The following GALNT9 variants were observed in gnomAD, a reference collection of about 807,000 sequenced individuals.
The protein encoded by GALNT9 is polypeptide N-acetylgalactosaminyltransferase 9.
GALNT9 carries 47 observed loss-of-function variants against 63.1 expected under a neutral mutation model. That is an observed-to-expected ratio of 0.75 (90% CI 0.59 to 0.95). The LOEUF (loss-of-function observed/expected upper bound fraction) is 0.95, where lower values mean the gene tolerates loss of function less well. Ranked by LOEUF, GALNT9 falls within the 40% of genes least tolerant of loss-of-function variation. GALNT9 has a pLI of 0.00. For synonymous variants in GALNT9, 396 were observed against 365.7 expected, an observed-to-expected ratio of 1.08 and a Z score of -0.94; for missense variants, 829 against 874.8, an observed-to-expected ratio of 0.95 and a Z score of 0.66.
At chr12:132,239,200 A>AG (rs1491330990) in intron 6 of GALNT9, among the ~76,000 whole-genome samples, 1 of 77,998 alleles carries the variant, frequency 1.3e-5, no homozygotes, top group African/African-American at 9.0e-5. Context: ...GGGGACAGGC[A>AG]GAGAGAGAGA....
intron 2 of GALNT9, among the ~76,000 whole-genome samples, chr12:132,269,177 C>T (rs115604304): frequency 0.014 from 2,143 of 151,122 alleles, 52 homozygotes; most frequent in African/African-American, 0.048. Context: ...CCAGGGCGGC[C>T]TCAGCGCTGA....
Position 132,328,984 on chromosome 12 carries a change from C to T in GALNT9, c.220G>A (p.Val74Ile), listed in dbSNP as rs1869167434. 1.3e-6 allele frequency: 2 copies of T among 1,538,120 alleles called. No homozygotes were observed. The highest frequency in any genetic ancestry group is 1.2e-5 in the South Asian group (1 of 83,442). The change falls in exon 1 of 11, where the codon GTC becomes ATC. Residue 74 changes from valine (V) to isoleucine (I), a missense_variant. By Grantham distance (29) the Val-to-Ile change is conservative. Coordinates refer to ENST00000328957, the MANE Select transcript of GALNT9 (RefSeq NM_001122636.2). The part of the protein sequence containing the change: ...LQRLDHLEEV[V>I]YNQLNGLAKP... ...CGCTCACCGTTGAGCTGGTTGTAGA[C>T]CACCTCCTCCAGGTGGTCCAGGCGC...
intron 6 of GALNT9, among the ~76,000 whole-genome samples, chr12:132,210,582 G>A (rs948160069): frequency 5.3e-5 from 8 of 152,206 alleles, no homozygotes; most frequent in Admixed American, 5.2e-4. Flanking sequence ...GGAGATGGGT[G>A]GCGAGTGGGG....
chr12:132,311,026 A>C (rs879966329), intron 1 of GALNT9, among the ~76,000 whole-genome samples: 3 of 152,206 alleles, frequency 2.0e-5, no homozygotes, highest in Non-Finnish European at 4.4e-5. Context: ...GGCCTCTGTG[A>C]GCCAGACCAA....
chr12:132,206,511 G>T (rs958504429), intron 6 of GALNT9, among the ~76,000 whole-genome samples: 3 of 152,214 alleles, frequency 2.0e-5, no homozygotes, highest in African/African-American at 7.2e-5. Context: ...GCTGGGCATG[G>T]TGGCAGATGC....
chr12:132,253,569 A>C (rs1243785685), intron 5 of GALNT9, among the ~76,000 whole-genome samples: 1 of 152,156 alleles, frequency 6.6e-6, no homozygotes, highest in Non-Finnish European at 1.5e-5. Flanking sequence ...GCTAATGATT[A>C]ATAATGTTTA....
chr12:132,249,936 G>A (rs781800681), intron 5 of GALNT9, among the ~76,000 whole-genome samples: 4 of 152,222 alleles, frequency 2.6e-5, no homozygotes, highest in Non-Finnish European at 4.4e-5. Context: ...GGTCCTGCCT[G>A]CTGGAGCTGC....
chr12:132,304,982 C>T (rs1156260607), intron 1 of GALNT9, among the ~76,000 whole-genome samples: 4 of 31,302 alleles, frequency 1.3e-4, no homozygotes, highest in Non-Finnish European at 2.2e-4. Flanking sequence ...CACCCTCACC[C>T]GGGCACACCC....
intron 1 of GALNT9, among the ~76,000 whole-genome samples, chr12:132,298,018 A>T (rs1224555790): frequency 6.6e-6 from 1 of 152,024 alleles, no homozygotes; most frequent in African/African-American, 2.4e-5. Flanking sequence ...AACTCCCAAA[A>T]TTACCAACTC....
intron 1 of GALNT9, among the ~76,000 whole-genome samples, chr12:132,317,323 C>T (rs1240807852): frequency 7.2e-5 from 11 of 152,178 alleles, no homozygotes; most frequent in African/African-American, 4.8e-5. Context: ...TGCCCAGCTT[C>T]GGGGACAGGA....
At chr12:132,278,860 A>G (rs1555241458) in intron 2 of GALNT9, 1 of 152,230 alleles carries the variant, frequency 6.6e-6, no homozygotes, top group African/African-American at 2.4e-5. Context: ...AGTCACTTCT[A>G]GAGTGCGATT....
intron 2 of GALNT9, among the ~76,000 whole-genome samples, chr12:132,266,406 C>T (rs1879599272): frequency 6.6e-6 from 1 of 152,268 alleles, no homozygotes; most frequent in Non-Finnish European, 1.5e-5. Flanking sequence ...CCCAGCCACC[C>T]ACTGATAAAG....
chr12:132,296,066 G>GCTCCGGAACAGGGAGAGC lies in GALNT9; in HGVS notation c.239-9654_239-9637dup. ...AGGGAGAGCCTCTGAACAGGGAGAG[G>GCTCCGGAACAGGGAGAGC]CTCCGGAACAGGGAGAGCCTCCGAA... On this transcript the variant is annotated intron_variant, in intron 1 of 10. Transcript: ENST00000328957. This position sits in a 1 kb window ranked among gnomAD's most constrained non-coding sequence, Gnocchi z 4.2. Among the ~76,000 whole-genome samples, 1 of 133,192 alleles carries GCTCCGGAACAGGGAGAGC rather than the reference G, an allele frequency of 7.5e-6. No individual in the cohort carries two copies. Among genetic ancestry groups the GCTCCGGAACAGGGAGAGC allele is most frequent in the Non-Finnish European group, 1.6e-5 (1 of 64,318 alleles). 87.4% of individuals were successfully genotyped at this position (133,192 alleles called of 152,430 possible).
chr12:132,293,020 T>A (rs1381606028), intron 1 of GALNT9, among the ~76,000 whole-genome samples: 1 of 152,086 alleles, frequency 6.6e-6, no homozygotes, highest in Non-Finnish European at 1.5e-5. Context: ...GTATTTGGGG[T>A]TTCAGCTCTG....
intron 6 of GALNT9, among the ~76,000 whole-genome samples, chr12:132,204,731 TCCTATCCTAC>T (rs1876533422): frequency 6.6e-6 from 1 of 151,822 alleles, no homozygotes; most frequent in African/African-American, 2.4e-5. Flanking sequence ...CCCCGTCCCA[TCCTATCCTAC>T]CCTATCCTGT....
At chr12:132,306,017 A>ACGGCGGGGCCCACCC (rs1881598066) in intron 1 of GALNT9, among the ~76,000 whole-genome samples, 1 of 152,078 alleles carries the variant, frequency 6.6e-6, no homozygotes, top group Non-Finnish European at 1.5e-5. Context: ...AGGGGGGCTC[A>ACGGCGGGGCCCACCC]TGGCGGGGCC....
At chr12:132,272,077 G>A (rs1322636256) in intron 2 of GALNT9, among the ~76,000 whole-genome samples, 1 of 152,208 alleles carries the variant, frequency 6.6e-6, no homozygotes, top group Non-Finnish European at 1.5e-5. Context: ...GTCACGCCCC[G>A]CCCGGCTCCC....
At chr12:132,222,733 G>A (rs1166242887) in intron 6 of GALNT9, among the ~76,000 whole-genome samples, 1 of 151,816 alleles carries the variant, frequency 6.6e-6, no homozygotes, top group Non-Finnish European at 1.5e-5. Flanking sequence ...CGGCTCCTGA[G>A]TGCTGCAAGA....
rs374641782 is a variant in GALNT9 at position 132,286,371 on chromosome 12, C to T, written c.298G>A (p.Ala100Thr). ...TGGCCGTCATCACGCAGGGTGGCCG[C>T]CAAGCCACCCTGGCCCAGGCCTCCT... Reference protein sequence around the residue: ...GPGGLGQGGLAATLRDDGQEA... With the variant: ...GPGGLGQGGLTATLRDDGQEA... Residue 100 changes from alanine to threonine, a missense_variant, in exon 2 of 11, where the codon GCG becomes ACG. Ala to Thr is a moderately conservative substitution (Grantham distance 58). Coordinates refer to ENST00000328957, the MANE Select transcript of GALNT9 (RefSeq NM_001122636.2). This position sits in a 1 kb window ranked among gnomAD's most constrained non-coding sequence, Gnocchi z 7.4. The T allele has an allele frequency of 1.7e-5, 26 of 1,550,796 alleles. No homozygotes were observed. In the African/African-American group the frequency reaches 3.4e-4, roughly 20 times the overall value.
Sources: allele counts gnomAD v4.1 joint callset (sites outside exome capture counted in the v4.1 genomes callset), GRCh38; gene constraint gnomAD v4.1.1; non-coding constraint Gnocchi (gnomAD v3.1); transcripts MANE v1.5; gene names NCBI Gene and HGNC (gene_info 2026-07-23, HGNC 2026-07-21).